Variants in CDH2 observed in about 807,000 individuals in gnomAD.
CDH2 encodes cadherin-2.
CDH2 carries 17 observed loss-of-function variants against 92.0 expected under a neutral mutation model. The ratio of observed to expected loss-of-function variants is 0.18; its 90% CI spans 0.13 to 0.28. The LOEUF (loss-of-function observed/expected upper bound fraction) is 0.28. CDH2 is among the 10% of genes least tolerant of loss of function. CDH2 has a pLI of 1.00. For missense variants in CDH2, 862 were observed against 1,133.1 expected (o/e 0.76, Z 3.44); for synonymous variants, 419 against 415.9 (o/e 1.01, Z -0.09).
chr18:28,094,215 A>G (rs576272127), intron 2 of CDH2, among the ~76,000 whole-genome samples: 2 of 152,254 alleles, frequency 1.3e-5, no homozygotes, highest in South Asian at 4.2e-4. Context: ...GGCCAGGTGT[A>G]GTGGCTCACA....
At chr18:28,132,620 C>T (rs1222211470) in intron 2 of CDH2, among the ~76,000 whole-genome samples, 1 of 152,114 alleles carries the variant, frequency 6.6e-6, no homozygotes, top group African/African-American at 2.4e-5. Context: ...GATGCTTCAT[C>T]CCTAGAACCA....
chr18:27,949,068 A>G (rs1013057604), downstream of CDH2, among the ~76,000 whole-genome samples: 5 of 151,968 alleles, frequency 3.3e-5, no homozygotes, highest in African/African-American at 1.2e-4. Context: ...TTAGTACGTC[A>G]CATGGTTACA....
At chr18:27,989,549 C>T (rs912467251) in intron 10 of CDH2, among the ~76,000 whole-genome samples, 1 of 152,072 alleles carries the variant, frequency 6.6e-6, no homozygotes, top group African/African-American at 2.4e-5. Context: ...GGAGAACAGT[C>T]GCATGGGGTG....
At chr18:28,050,270 G>A (rs1364811562) in intron 2 of CDH2, among the ~76,000 whole-genome samples, 2 of 152,052 alleles carry the variant, frequency 1.3e-5, no homozygotes, top group Non-Finnish European at 2.9e-5. Flanking sequence ...ATGGTATAGG[G>A]TAAAATTAAA....
intron 7 of CDH2, among the ~76,000 whole-genome samples, chr18:27,995,784 A>G (rs929658149): frequency 6.6e-6 from 1 of 152,060 alleles, no homozygotes; most frequent in Non-Finnish European, 1.5e-5. Flanking sequence ...TGTTATTTCC[A>G]AAGTACAATA....
intron 2 of CDH2, among the ~76,000 whole-genome samples, chr18:28,073,547 G>A (rs187275835): frequency 2.0e-5 from 3 of 152,090 alleles, no homozygotes; most frequent in Non-Finnish European, 4.4e-5. Context: ...CTTAAGGTGG[G>A]GGGATAGTGT....
At chr18:28,063,075 A>C (rs955092777) in intron 2 of CDH2, among the ~76,000 whole-genome samples, 2 of 152,244 alleles carry the variant, frequency 1.3e-5, no homozygotes, top group Non-Finnish European at 2.9e-5. Flanking sequence ...CTACTTAAAC[A>C]TTAGATATAA....
intron 2 of CDH2, among the ~76,000 whole-genome samples, chr18:28,052,122 C>T (rs1207480640): frequency 6.6e-6 from 1 of 152,076 alleles, no homozygotes; most frequent in African/African-American, 2.4e-5. Flanking sequence ...TTAAAGCAAG[C>T]TTGTATATTT....
chr18:28,008,274 G>C (rs1306378448), intron 5 of CDH2, among the ~76,000 whole-genome samples: 1 of 151,450 alleles, frequency 6.6e-6, no homozygotes, highest in Non-Finnish European at 1.5e-5. Flanking sequence ...TTAATGCTAT[G>C]TTGTCTTTGT....
intron 2 of CDH2, among the ~76,000 whole-genome samples, chr18:28,041,402 C>A (rs17446008): frequency 0.082 from 12,495 of 152,164 alleles, 676 homozygotes; most frequent in Middle Eastern, 0.13. Flanking sequence ...TAATCACATA[C>A]GGCATTTTAT....
At chr18:27,966,795 G>A (rs1327750974) in intron 14 of CDH2, among the ~76,000 whole-genome samples, 1 of 152,118 alleles carries the variant, frequency 6.6e-6, no homozygotes, top group Admixed American at 6.5e-5. Flanking sequence ...TTAAGAACCA[G>A]AGAGCAGGAA....
intron 6 of CDH2, among the ~76,000 whole-genome samples, chr18:28,004,226 G>C (rs2012850271): frequency 6.6e-6 from 1 of 152,048 alleles, no homozygotes; most frequent in South Asian, 2.1e-4. Context: ...GCTCCAACAG[G>C]GCAGGAACTA....
At chr18:28,174,647 CACTT>C (rs1417260208) in intron 1 of CDH2, among the ~76,000 whole-genome samples, 7 of 152,230 alleles carry the variant, frequency 4.6e-5, no homozygotes. Context: ...TTTTTAGAAA[CACTT>C]AAGAAAAAAC....
chr18:28,140,402 C>T (rs942979198), intron 2 of CDH2, among the ~76,000 whole-genome samples: 10 of 151,970 alleles, frequency 6.6e-5, no homozygotes, highest in Non-Finnish European at 1.0e-4. Context: ...TTGTATCCCC[C>T]TAAATTTCAC....
At chr18:27,984,895 CA>C in intron 13 of CDH2, 104 bp downstream of exon 13, 1 of 818,240 alleles carries the variant, frequency 1.2e-6, no homozygotes, top group Non-Finnish European at 2.0e-6. Flanking sequence ...GCTGAAAGGT[CA>C]AAGGGTTGTT....
At chr18:27,999,506 ATTTC>A (rs2012694285) in intron 7 of CDH2, among the ~76,000 whole-genome samples, 2 of 152,082 alleles carry the variant, frequency 1.3e-5, no homozygotes, top group Admixed American at 1.3e-4. Context: ...AACAGGAAGT[ATTTC>A]TTTCATCTTA....
chr18:28,096,451 T>C (rs1243550443), intron 2 of CDH2, among the ~76,000 whole-genome samples: 2 of 151,218 alleles, frequency 1.3e-5, no homozygotes, highest in African/African-American at 4.9e-5. Flanking sequence ...GAAGTAACTA[T>C]GGTAGAGAAT....
chr18:28,010,878 C>CT (rs2013077984), intron 4 of CDH2, among the ~76,000 whole-genome samples: 1 of 150,814 alleles, frequency 6.6e-6, no homozygotes, highest in Admixed American at 6.6e-5. Context: ...TCTTGATCTC[C>CT]TGACCTCGTG....
At chr18:28,038,416 G>A (rs577160994) in intron 2 of CDH2, among the ~76,000 whole-genome samples, 2 of 141,878 alleles carry the variant, frequency 1.4e-5, no homozygotes, top group East Asian at 4.1e-4. Context: ...GTGAGACCTT[G>A]TCTCAAGTGT....
Sources: allele counts gnomAD v4.1 joint callset (sites outside exome capture counted in the v4.1 genomes callset), GRCh38; gene constraint gnomAD v4.1.1; transcripts MANE v1.5; gene names NCBI Gene and HGNC (gene_info 2026-07-23, HGNC 2026-07-21).